The following JARID2 variants were observed in gnomAD, a reference collection of about 807,000 sequenced individuals.
JARID2 encodes the protein jumonji and AT-rich interaction domain containing 2.
JARID2 carries 21 observed loss-of-function variants against 125.6 expected under a neutral mutation model. The observed-to-expected ratio is 0.17, with a 90% CI of 0.12 to 0.24. The LOEUF is 0.24. JARID2 is among the 10% of genes least tolerant of loss of function. JARID2 has a pLI of 1.00. For missense variants in JARID2, 1,303 were observed against 1,639.6 expected, an observed-to-expected ratio of 0.79 and a Z score of 3.55; for synonymous variants, 736 against 661.6, an observed-to-expected ratio of 1.11 and a Z score of -1.73.
chr6:15,385,573 C>T (rs1297796084), intron 2 of JARID2, among the ~76,000 whole-genome samples: 1 of 151,678 alleles, frequency 6.6e-6, no homozygotes, highest in East Asian at 1.9e-4. Context: ...TCTAATGTGT[C>T]TAGCCACATT....
intron 1 of JARID2, among the ~76,000 whole-genome samples, chr6:15,254,620 T>C (rs1359549387): frequency 6.6e-6 from 1 of 152,176 alleles, no homozygotes. Context: ...AGGTCTCAAT[T>C]GGATTTTAAG....
chr6:15,515,964 T>C (rs984777567), intron 16 of JARID2, among the ~76,000 whole-genome samples: 14 of 143,980 alleles, frequency 9.7e-5, no homozygotes, highest in African/African-American at 3.7e-4. Context: ...GATCGCGCCA[T>C]CGCCCAGGTG....
At chr6:15,445,144 A>G (rs934376621) in intron 3 of JARID2, among the ~76,000 whole-genome samples, 1 of 152,226 alleles carries the variant, frequency 6.6e-6, no homozygotes, top group African/African-American at 2.4e-5. Context: ...CCCCAGAGGA[A>G]ACCTGGAGAA....
intron 5 of JARID2, among the ~76,000 whole-genome samples, 167 bp downstream of exon 5, chr6:15,468,885 G>A (rs990135507): frequency 5.3e-5 from 8 of 152,176 alleles, no homozygotes; most frequent in African/African-American, 1.9e-4. Flanking sequence ...GCTTAGTGTA[G>A]TCCAGGGTGT....
chr6:15,327,554 C>T (rs9688922), intron 1 of JARID2, among the ~76,000 whole-genome samples: 20 of 149,132 alleles, frequency 1.3e-4, no homozygotes, highest in Admixed American at 3.4e-4. Context: ...TGTGTGTGCG[C>T]GTGTGTGTGC....
At chr6:15,324,778 C>G (rs764975690) in intron 1 of JARID2, among the ~76,000 whole-genome samples, 1 of 151,472 alleles carries the variant, frequency 6.6e-6, no homozygotes, top group Admixed American at 6.6e-5. Flanking sequence ...TGTGAGCCAC[C>G]GCTCCCGCCA....
At chr6:15,463,642 G>C (rs1181543126) in intron 4 of JARID2, among the ~76,000 whole-genome samples, 2 of 152,004 alleles carry the variant, frequency 1.3e-5, no homozygotes. Context: ...ACGTGGGCCT[G>C]GCTAGTCTCG....
At chr6:15,449,409 G>T (rs1008992175) in intron 3 of JARID2, among the ~76,000 whole-genome samples, 14 of 152,004 alleles carry the variant, frequency 9.2e-5, no homozygotes, top group Admixed American at 7.9e-4. Context: ...ACTTTGGGAG[G>T]CCAAGGCAGG....
intron 1 of JARID2, among the ~76,000 whole-genome samples, chr6:15,360,418 C>T (rs754363965): frequency 7.9e-5 from 12 of 151,992 alleles, no homozygotes; most frequent in African/African-American, 1.7e-4. Context: ...CTCCTGACCT[C>T]GTGATCTGCC....
rs1166056260 is a variant in JARID2, at chr6:15,500,911, C to A, written c.1950C>A (p.Gly650=). 1.9e-6 allele frequency: 3 copies of A among 1,601,204 alleles called. No individual in the cohort carries two copies. Among genetic ancestry groups the A allele is most frequent in the South Asian group, 2.2e-5 (2 of 89,090 alleles). Residue 650 remains glycine, a synonymous_variant, in exon 8 of 18, where the codon GGC becomes GGA. Transcript: ENST00000341776. ...TTTTCCCCTTCGCTGTCCCAGGGGG[C>A]TGTGAGCTCGACCTGGCCTGCTTTT... ...ITMDELPLIG[G]CELDLACFFR... is the part of the protein sequence containing the mutation.
chr6:15,494,816 C>G (rs2237117), intron 6 of JARID2, among the ~76,000 whole-genome samples: 59,140 of 152,012 alleles, frequency 0.39, 11,648 homozygotes, highest in East Asian at 0.5. Context: ...CATGTGACAG[C>G]AGCCTGCACA....
intron 1 of JARID2, among the ~76,000 whole-genome samples, chr6:15,283,034 A>G (rs573832456): frequency 1.1e-4 from 16 of 151,674 alleles, no homozygotes; most frequent in African/African-American, 3.9e-4. Flanking sequence ...GCTGGAGTGT[A>G]GTGGCGCGAT....
chr6:15,352,407 C>T (rs1297368815), intron 1 of JARID2, among the ~76,000 whole-genome samples: 2 of 152,086 alleles, frequency 1.3e-5, no homozygotes, highest in African/African-American at 2.4e-5. Context: ...GAAGACTATT[C>T]TTCCCCCAGC....
intron 5 of JARID2, among the ~76,000 whole-genome samples, chr6:15,475,551 A>G (rs937592629): frequency 2.0e-5 from 3 of 152,122 alleles, no homozygotes; most frequent in African/African-American, 4.8e-5. Flanking sequence ...CTAGCCCCAC[A>G]TTGTGCCATG....
At chr6:15,358,197 T>C (rs1350644360) in intron 1 of JARID2, among the ~76,000 whole-genome samples, 1 of 152,198 alleles carries the variant, frequency 6.6e-6, no homozygotes, top group Non-Finnish European at 1.5e-5. Context: ...AATTTTTTGT[T>C]TGTGTAATAT....
At chr6:15,420,860 T>G (rs1347330475) in intron 3 of JARID2, among the ~76,000 whole-genome samples, 4 of 152,236 alleles carry the variant, frequency 2.6e-5, no homozygotes, top group Non-Finnish European at 5.9e-5. Context: ...TGGATTATGT[T>G]TACCATGTAG....
chr6:15,256,350 A>C (rs551329068), intron 1 of JARID2, among the ~76,000 whole-genome samples: 54 of 152,336 alleles, frequency 3.5e-4, no homozygotes, highest in African/African-American at 1.3e-3. Context: ...ATATTAGCCA[A>C]CACTTGACTC....
At chr6:15,376,303 G>A (rs1764351539) in intron 2 of JARID2, among the ~76,000 whole-genome samples, 1 of 152,212 alleles carries the variant, frequency 6.6e-6, no homozygotes, top group East Asian at 1.9e-4. Flanking sequence ...TTTCTAGTTT[G>A]TGTTGGTTTT....
intron 2 of JARID2, among the ~76,000 whole-genome samples, chr6:15,385,586 A>G (rs866832181): frequency 5.9e-5 from 9 of 151,912 alleles, no homozygotes; most frequent in Non-Finnish European, 1.0e-4. Context: ...GCCACATTAG[A>G]TTGTAAGCGC....
Sources: gnomAD v4.1 joint callset for allele counts (sites outside exome capture counted in the v4.1 genomes callset) on GRCh38, gnomAD v4.1.1 for gene constraint, MANE v1.5 for transcripts, NCBI Gene and HGNC (gene_info 2026-07-23, HGNC 2026-07-21) for gene names.